SLC1A3: variants seen among roughly 807,000 people sequenced by gnomAD.
SLC1A3 encodes excitatory amino acid transporter 1.
A neutral mutation model predicts 48.1 loss-of-function variants in SLC1A3; 21 were observed. The observed-to-expected ratio is 0.44, with a 90% CI of 0.31 to 0.63. The LOEUF is 0.63. SLC1A3 is among the 20% of genes least tolerant of loss of function. The pLI is 0.08. For missense variants in SLC1A3, 546 were observed against 689.0 expected (o/e 0.79, Z 2.32); for synonymous variants, 239 against 251.4 (o/e 0.95, Z 0.47).
At chr5:36,646,472 C>T (rs1740845385) in intron 3 of SLC1A3, among the ~76,000 whole-genome samples, 3 of 152,316 alleles carry the variant, frequency 2.0e-5, no homozygotes, top group South Asian at 2.1e-4. Context: ...GTAATGTCTG[C>T]CCACTGTAGT....
chr5:36,661,227 C>T (rs940000961), intron 3 of SLC1A3, among the ~76,000 whole-genome samples: 3 of 152,166 alleles, frequency 2.0e-5, no homozygotes, highest in Non-Finnish European at 2.9e-5. Flanking sequence ...GACAGGCCAA[C>T]GTGGCGAAAC....
intron 2 of SLC1A3, among the ~76,000 whole-genome samples, chr5:36,623,299 A>G (rs1739760027): frequency 6.6e-6 from 1 of 152,238 alleles, no homozygotes; most frequent in Non-Finnish European, 1.5e-5. Flanking sequence ...ATTGCTCATG[A>G]CATCCATATA....
rs1276829370 is a variant in SLC1A3 at position 36,669,482 on chromosome 5, G to A, written c.320-1547G>A. The stretch of plus-strand genomic sequence containing the variant: ...GGAGCTGCAGTTGGTTTTCTCAGAG[G>A]CAGAAAGTACACTGAACCTAGTTAC... On this transcript the variant is annotated intron_variant, in intron 3 of 9. Transcript: ENST00000265113. 30 of 152,156 alleles carry A rather than the reference G, an allele frequency of 2.0e-4. 1 individual carries two copies. Among genetic ancestry groups the A allele is most frequent in the Admixed American group, 2.0e-3 (30 of 15,280 alleles). The allele number at this position is 152,156 out of a possible 1,614,324, so 9.4% of individuals were successfully genotyped here. A position where few individuals can be genotyped will look rare whatever the true frequency, so the allele number is the denominator to read the frequency against.
chr5:36,603,762 A>G (rs1224595703), upstream of SLC1A3, among the ~76,000 whole-genome samples: 1 of 152,202 alleles, frequency 6.6e-6, no homozygotes, highest in Non-Finnish European at 1.5e-5. Context: ...AGCATTCTAC[A>G]ATTTCCAAAT....
intron 3 of SLC1A3, 51 bp downstream of exon 3, chr5:36,629,638 G>A (rs2111756383): frequency 6.6e-7 from 1 of 1,509,138 alleles, no homozygotes; most frequent in Non-Finnish European, 9.2e-7. Flanking sequence ...TGTGTTTATT[G>A]CAAAAGATTG....
At chr5:36,603,105 TCCTGTGGCTGGCTC>T (rs1738826383), upstream of SLC1A3, among the ~76,000 whole-genome samples, 1 of 152,270 alleles carries the variant, frequency 6.6e-6, no homozygotes, top group African/African-American at 2.4e-5. Context: ...CCTGCTTAAA[TCCTGTGGCTGGCTC>T]CCCATTGACT....
chr5:36,663,380 A>ATTTTTTTTTTTT (rs1156283585), intron 3 of SLC1A3, among the ~76,000 whole-genome samples: 197 of 69,320 alleles, frequency 2.8e-3, no homozygotes, highest in Non-Finnish European at 3.5e-3. Context: ...CACGCCCGGC[A>ATTTTTTTTTTTT]TTTTTTTTTT....
chr5:36,607,423 A>C (rs1183307159), intron 1 of SLC1A3: 1 of 152,198 alleles, frequency 6.6e-6, no homozygotes, highest in Non-Finnish European at 1.5e-5. Flanking sequence ...TCCACCAGGA[A>C]AGAGATTTAC....
At chr5:36,618,869 T>G (rs1469943361) in intron 2 of SLC1A3, among the ~76,000 whole-genome samples, 3 of 152,228 alleles carry the variant, frequency 2.0e-5, no homozygotes, top group African/African-American at 4.8e-5. Context: ...AACAATGGAT[T>G]GGACATTTAG....
At chr5:36,624,553 G>A (rs1739826389) in intron 2 of SLC1A3, among the ~76,000 whole-genome samples, 5 of 152,164 alleles carry the variant, frequency 3.3e-5, no homozygotes. Context: ...AACAATAATA[G>A]TCCTGGCCTC....
Position 36,683,980 on chromosome 5 carries a change from T to C in SLC1A3, c.1406T>C (p.Ile469Thr). ...GLPTDDITLIIAVDWFLDRLR... is the reference protein window; with the variant it reads ...GLPTDDITLITAVDWFLDRLR... Reference sequence around the variant, plus strand: ...CCCACTGACGACATCACGCTCATCATCGCGGTGGACTGGTTCCTGTGAGTA... The same window carrying C: ...CCCACTGACGACATCACGCTCATCACCGCGGTGGACTGGTTCCTGTGAGTA... The change falls in exon 9 of 10, where the codon ATC becomes ACC. Residue 469 changes from isoleucine to threonine, a missense_variant. Physicochemically the swap from Ile to Thr is moderately conservative, Grantham distance 89. Around this residue, in one of 3 missense-constraint regions of SLC1A3, gnomAD observed 142 missense variants for 238.0 expected, o/e 0.60. Coordinates refer to ENST00000265113, the MANE Select transcript of SLC1A3 (RefSeq NM_004172.5). The C allele has an allele frequency of 6.2e-7, 1 of 1,614,204 alleles. No individual in the cohort carries two copies. Among genetic ancestry groups the C allele is most frequent in the Non-Finnish European group, 8.5e-7 (1 of 1,180,038 alleles).
At chr5:36,630,694 A>G (rs1174628643) in intron 3 of SLC1A3, among the ~76,000 whole-genome samples, 1 of 152,196 alleles carries the variant, frequency 6.6e-6, no homozygotes, top group Non-Finnish European at 1.5e-5. Context: ...ATGGAGGAAC[A>G]TTCTATTACA....
intron 8 of SLC1A3, among the ~76,000 whole-genome samples, chr5:36,680,791 C>A (rs889162943): frequency 6.6e-6 from 1 of 152,034 alleles, no homozygotes; most frequent in Non-Finnish European, 1.5e-5. Context: ...GTGGCACGGG[C>A]CTGTGGTCCC....
At chr5:36,615,890 C>T (rs1050269737) in intron 2 of SLC1A3, among the ~76,000 whole-genome samples, 1 of 152,224 alleles carries the variant, frequency 6.6e-6, no homozygotes, top group Admixed American at 6.5e-5. Context: ...CGACTATACT[C>T]ACTGAGTATA....
intron 5 of SLC1A3, among the ~76,000 whole-genome samples, chr5:36,675,337 C>A (rs918675659): frequency 3.3e-5 from 5 of 152,092 alleles, no homozygotes; most frequent in Non-Finnish European, 7.4e-5. Flanking sequence ...GCCTTTCAAT[C>A]CAACCAGCCA....
rs775374052 is a variant in SLC1A3, at chr5:36,683,835, GT to G, written c.1290-25del. ...TCTACGTGGGGAGCTTTGTAAAAGTGTTTTCTGTTCTGGTACTTCTGTTAAC... is the reference window on the plus strand; with the variant it reads ...TCTACGTGGGGAGCTTTGTAAAAGTGTTTCTGTTCTGGTACTTCTGTTAAC... On this transcript the variant is annotated intron_variant, in intron 8 of 9. Coordinates refer to ENST00000265113, the MANE Select transcript of SLC1A3 (RefSeq NM_004172.5). 2.5e-6 allele frequency: 4 copies of G among 1,614,008 alleles called. No homozygotes were observed. In the South Asian group the frequency reaches 3.3e-5, roughly 13 times the overall value.
Position 36,686,357 on chromosome 5 carries a change from C to G in SLC1A3, c.*88C>G. On this transcript the variant is annotated 3_prime_UTR_variant, in exon 10 of 10. Transcript: ENST00000265113. ...TCTCATTACAGCTCATTCGCTCCAG[C>G]AAGCCCGTCATCTTCCCTTTCCTCC... The G allele has an allele frequency of 1.0e-6, 1 of 999,474 alleles. No homozygotes were observed. The highest frequency in any genetic ancestry group is 1.3e-5 in the South Asian group (1 of 77,480). The allele number at this position is 999,474 out of a possible 1,614,324, so 61.9% of individuals were successfully genotyped here.
At chr5:36,615,231 C>T (rs1451158828) in intron 2 of SLC1A3, among the ~76,000 whole-genome samples, 1 of 152,164 alleles carries the variant, frequency 6.6e-6, no homozygotes, top group African/African-American at 2.4e-5. Context: ...TGGTGTAAGA[C>T]AAATCTCTGG....
chr5:36,622,985 C>T (rs1739742963), intron 2 of SLC1A3, among the ~76,000 whole-genome samples: 1 of 142,566 alleles, frequency 7.0e-6, no homozygotes. Flanking sequence ...GCACTGCAGC[C>T]TGGGCTACAG....
Sources: gnomAD v4.1 joint callset for allele counts (sites outside exome capture counted in the v4.1 genomes callset) on GRCh38, gnomAD v4.1.1 for gene constraint, gnomAD v4.1.1 regional missense constraint, MANE v1.5 for transcripts, NCBI Gene and HGNC (gene_info 2026-07-23, HGNC 2026-07-21) for gene names.